Variants in SIRPB1 observed in about 807,000 individuals in gnomAD.
The protein encoded by SIRPB1 is signal regulatory protein beta 1.
Under a neutral mutation model 34.1 loss-of-function variants are expected in SIRPB1, and 28 were observed. That is an observed-to-expected ratio of 0.82 (90% CI 0.61 to 1.12). SIRPB1 has a LOEUF of 1.12. SIRPB1 is among the 50% of genes most tolerant of loss of function. SIRPB1 has a pLI of 0.00. For missense variants in SIRPB1, 499 were observed against 507.0 expected, an observed-to-expected ratio of 0.98 and a Z score of 0.15; for synonymous variants, 211 against 203.8, an observed-to-expected ratio of 1.04 and a Z score of -0.30.
rs1185795368 is a variant in SIRPB1, at chr20:1,570,833, C to T, written c.1056G>A (p.Gln352=). 7 of 1,614,056 alleles carry T rather than the reference C, an allele frequency of 4.3e-6. No individual in the cohort carries two copies. The highest frequency in any genetic ancestry group is 5.1e-6 in the Non-Finnish European group (6 of 1,179,966). Residue 352 remains glutamine, a synonymous_variant, in exon 4 of 6, where the codon CAG becomes CAA. Transcript: ENST00000381605. ...GGGTGATATCTGAGCCGTGCTCCTT[C>T]TGGTGCGCTGAGATCTCCAGGGCAT... ...KSYALEISAH[Q]KEHGSDITHE...
At chr20:1,603,443 A>G (rs1224687986) in intron 1 of SIRPB1, among the ~76,000 whole-genome samples, 1 of 49,382 alleles carries the variant, frequency 2.0e-5, no homozygotes, top group Non-Finnish European at 3.9e-5. Flanking sequence ...CACAGATATG[A>G]ATGGAAAAGT....
intron 2 of SIRPB1, 34 bp downstream of exon 2, chr20:1,578,304 A>G (rs2091346569): frequency 6.4e-7 from 1 of 1,554,850 alleles, no homozygotes; most frequent in Non-Finnish European, 8.8e-7. Context: ...ATTGTCACAC[A>G]CCAGGGGACA....
chr20:1,617,018 G>A (rs983779019), intron 1 of SIRPB1, among the ~76,000 whole-genome samples: 3 of 152,130 alleles, frequency 2.0e-5, no homozygotes, highest in Non-Finnish European at 4.4e-5. Context: ...TGTTAGAATG[G>A]CTACTATAAA....
chr20:1,595,167 A>G lies in SIRPB1; in HGVS notation c.77-16473T>C, dbSNP rs2091454754. On this transcript the variant is annotated intron_variant, in intron 1 of 5. Coordinates refer to ENST00000381605, the MANE Select transcript of SIRPB1 (RefSeq NM_006065.5). ...TTAGGGTCTACACAGATGCTCATAG[A>G]AAAAGTGCTCCAAATCTTGCCTCAT... Among the ~76,000 whole-genome samples the G allele has an allele frequency of 4.1e-5, 2 of 48,638 alleles. 1 individual carries two copies. The highest frequency in any genetic ancestry group is 2.8e-4 in the Admixed American group (2 of 7,266). 31.9% of individuals were successfully genotyped at this position (48,638 alleles called of 152,430 possible). A position where few individuals can be genotyped will look rare whatever the true frequency, so the allele number is the denominator to read the frequency against.
chr20:1,571,227 G>C, intron 3 of SIRPB1, 90 bp from the exon 4 acceptor site: 2 of 1,321,276 alleles, frequency 1.5e-6, no homozygotes, highest in Non-Finnish European at 2.1e-6. Flanking sequence ...AACACAGTGA[G>C]GGCATCACCA....
At chr20:1,613,844 C>T (rs6079812) in intron 1 of SIRPB1, among the ~76,000 whole-genome samples, 1 of 152,046 alleles carries the variant, frequency 6.6e-6, no homozygotes, top group African/African-American at 2.4e-5. Flanking sequence ...GGACAAAAAC[C>T]TTCACAGACT....
In SIRPB1 at chr20:1,563,854, C is replaced by T. The variant is rs1322420627; in HGVS notation, c.*1646G>A. ...ACAAGAACAGCAAGGGGGAAGTCCG[C>T]CCCCATGATTCAGTCACCTCCTACC... is the stretch of plus-strand genomic sequence containing the variant. On this transcript the variant is annotated 3_prime_UTR_variant, in exon 6 of 6. Transcript: ENST00000381605. 2 of 152,518 alleles carry T rather than the reference C, an allele frequency of 1.3e-5. No individual in the cohort carries two copies. The highest frequency in any genetic ancestry group is 6.5e-5 in the Admixed American group (1 of 15,282). The allele number at this position is 152,518 out of a possible 1,614,324, so 9.4% of individuals were successfully genotyped here. A position where few individuals can be genotyped will look rare whatever the true frequency, so the allele number is the denominator to read the frequency against.
rs1053745377 is a variant in SIRPB1, at chr20:1,587,857, T to C, written c.77-9163A>G. Reference sequence around the variant, plus strand: ...AGTAGAAATTAACCCTGCTGACACTTTGATCTTGGACTTCGGCTTCCATAA... The same window carrying C: ...AGTAGAAATTAACCCTGCTGACACTCTGATCTTGGACTTCGGCTTCCATAA... On this transcript the variant is annotated intron_variant, in intron 1 of 5. Coordinates refer to ENST00000381605, the MANE Select transcript of SIRPB1 (RefSeq NM_006065.5). Among the ~76,000 whole-genome samples the C allele has an allele frequency of 1.4e-4, 7 of 48,906 alleles. 3 individuals carry two copies. The highest frequency in any genetic ancestry group is 2.8e-4 in the Non-Finnish European group (7 of 25,356). 32.1% of individuals were successfully genotyped at this position (48,906 alleles called of 152,430 possible).
intron 4 of SIRPB1, among the ~76,000 whole-genome samples, chr20:1,569,468 G>T (rs2091192864): frequency 6.6e-6 from 1 of 152,240 alleles, no homozygotes; most frequent in African/African-American, 2.4e-5. Flanking sequence ...AACTGCAGGT[G>T]CATGCGTGAG....
Position 1,619,852 on chromosome 20 carries a change from C to G in SIRPB1, c.76+17G>C. 6.3e-7 allele frequency: 1 copy of G among 1,585,034 alleles called. No homozygotes were observed. Among genetic ancestry groups the G allele is most frequent in the African/African-American group, 1.3e-5 (1 of 74,362 alleles). ...CAGTGGGCAGGAAAAAAGATTTTAA[C>G]CGAAGGCAGTGCTCACCTGTGAGTC... On this transcript the variant is annotated intron_variant, in intron 1 of 5. Coordinates refer to ENST00000381605, the MANE Select transcript of SIRPB1 (RefSeq NM_006065.5).
chr20:1,578,049 C>T, intron 2 of SIRPB1: 2 of 458,366 alleles, frequency 4.4e-6, no homozygotes, highest in Middle Eastern at 6.1e-4. Context: ...TTGTGAGTTC[C>T]CTCATCTGTG....
intron 2 of SIRPB1, 118 bp from the exon 3 acceptor site, chr20:1,572,155 G>T: frequency 2.0e-6 from 3 of 1,468,594 alleles, no homozygotes; most frequent in Non-Finnish European, 2.8e-6. Context: ...TAATAATGTC[G>T]TGAAGGCAGT....
Position 1,561,974 on chromosome 20 carries a change from T to A in SIRPB1, c.*3526A>T, listed in dbSNP as rs2091086411. 6.6e-6 allele frequency among the ~76,000 whole-genome samples: 1 copy of A among 152,244 alleles called. No homozygotes were observed. The highest frequency in any genetic ancestry group is 2.4e-5 in the African/African-American group (1 of 41,472). The stretch of plus-strand genomic sequence containing the variant: ...AGATTCTTCTCTTCTTTCCCATTAA[T>A]TTATTCAATCATTTATTTATATCAG... On this transcript the variant is annotated 3_prime_UTR_variant, in exon 6 of 6. Transcript: ENST00000381605.
chr20:1,571,682 C>T, intron 3 of SIRPB1, 38 bp downstream of exon 3: 2 of 1,612,910 alleles, frequency 1.2e-6, no homozygotes, highest in Non-Finnish European at 1.7e-6. Flanking sequence ...GGCTTGGCAG[C>T]CAGGTGTGGG....
chr20:1,577,989 C>T (rs958717206), intron 2 of SIRPB1, among the ~76,000 whole-genome samples: 1 of 147,740 alleles, frequency 6.8e-6, no homozygotes, highest in Non-Finnish European at 1.5e-5. Flanking sequence ...GAAGCATTCT[C>T]TGGAGGCAGA....
rs1307667917 is a variant in SIRPB1, at chr20:1,611,190, C to T, written c.76+8679G>A. Among the ~76,000 whole-genome samples the T allele has an allele frequency of 4.1e-5, 3 of 72,512 alleles. 1 individual carries two copies. Among genetic ancestry groups the T allele is most frequent in the Admixed American group, 3.4e-4 (3 of 8,940 alleles). 47.6% of individuals were successfully genotyped at this position (72,512 alleles called of 152,430 possible). A position where few individuals can be genotyped will look rare whatever the true frequency, so the allele number is the denominator to read the frequency against. On this transcript the variant is annotated intron_variant, in intron 1 of 5. Coordinates refer to ENST00000381605, the MANE Select transcript of SIRPB1 (RefSeq NM_006065.5). ...GTGGAGCCTCGAGCGACTGCCATGA[C>T]ATCTCCAAGCCTCAACTCATGTGAT...
Position 1,561,400 on chromosome 20 carries a change from C to T in SIRPB1, c.*4100G>A, listed in dbSNP as rs1347242775. On this transcript the variant is annotated 3_prime_UTR_variant, in exon 6 of 6. Transcript: ENST00000381605. ...TGATACATTATGATTAATCAAAGTTCATAGTTTATTTAGATCTTTTCTTTT... is the reference window on the plus strand; with the variant it reads ...TGATACATTATGATTAATCAAAGTTTATAGTTTATTTAGATCTTTTCTTTT... 1.0e-5 allele frequency among the ~76,000 whole-genome samples: 1 copy of T among 99,598 alleles called. No individual in the cohort carries two copies. Among genetic ancestry groups the T allele is most frequent in the Non-Finnish European group, 2.7e-5 (1 of 36,888 alleles). 65.3% of individuals were successfully genotyped at this position (99,598 alleles called of 152,430 possible). A position where few individuals can be genotyped will look rare whatever the true frequency, so the allele number is the denominator to read the frequency against.
chr20:1,617,909 TTATATGCATACATGCATATACATA>T (rs2091653283), intron 1 of SIRPB1, among the ~76,000 whole-genome samples: 1 of 152,202 alleles, frequency 6.6e-6, no homozygotes, highest in South Asian at 2.1e-4. Flanking sequence ...GTACACTTAC[TTATATGCATACATGCATATACATA>T]TGTATACACA....
rs990892457 is a variant in SIRPB1 at position 1,565,215 on chromosome 20, T to C, written c.*285A>G. The C allele has an allele frequency of 3.0e-5, 12 of 395,088 alleles. No individual in the cohort carries two copies. Among genetic ancestry groups the C allele is most frequent in the African/African-American group, 1.6e-4 (8 of 48,502 alleles). The allele number at this position is 395,088 out of a possible 1,614,324, so 24.5% of individuals were successfully genotyped here. A position where few individuals can be genotyped will look rare whatever the true frequency, so the allele number is the denominator to read the frequency against. On this transcript the variant is annotated 3_prime_UTR_variant, in exon 6 of 6. Coordinates refer to ENST00000381605, the MANE Select transcript of SIRPB1 (RefSeq NM_006065.5). Reference sequence around the variant, plus strand: ...TTATGGCCAGTCCCAAGGCGACGGATGGGAGAAGTCCTGGTGTGTTTAGAT... The same window carrying C: ...TTATGGCCAGTCCCAAGGCGACGGACGGGAGAAGTCCTGGTGTGTTTAGAT...
Sources: allele counts gnomAD v4.1 joint callset (sites outside exome capture counted in the v4.1 genomes callset), GRCh38; gene constraint gnomAD v4.1.1; transcripts MANE v1.5; gene names NCBI Gene and HGNC (gene_info 2026-07-23, HGNC 2026-07-21).